The following KAZN variants were observed in gnomAD, a reference collection of about 807,000 sequenced individuals.
KAZN encodes the protein kazrin.
KAZN carries 40 observed loss-of-function variants against 87.4 expected under a neutral mutation model. The observed-to-expected ratio is 0.46, with a 90% CI of 0.36 to 0.60. KAZN has a LOEUF of 0.60. KAZN is among the 20% of genes least tolerant of loss of function. KAZN has a pLI of 0.00. For missense variants in KAZN, 898 were observed against 1,073.9 expected, an observed-to-expected ratio of 0.84 and a Z score of 2.29; for synonymous variants, 466 against 458.3, an observed-to-expected ratio of 1.02 and a Z score of -0.22.
chr1:14,529,590 A>G (rs976469752), intron 2 of KAZN, among the ~76,000 whole-genome samples: 4 of 152,294 alleles, frequency 2.6e-5, no homozygotes, highest in African/African-American at 9.6e-5. Flanking sequence ...GCCAGTGTGG[A>G]GAGGACAGAA....
intron 2 of KAZN, among the ~76,000 whole-genome samples, chr1:14,510,586 T>A (rs955539773): frequency 1.3e-5 from 2 of 152,230 alleles, no homozygotes; most frequent in African/African-American, 4.8e-5. Context: ...CTCTCAGGAA[T>A]TGATTCTGAG....
intron 8 of KAZN, among the ~76,000 whole-genome samples, chr1:15,079,884 G>C (rs1035478152): frequency 6.6e-6 from 1 of 152,224 alleles, no homozygotes; most frequent in Non-Finnish European, 1.5e-5. Context: ...GGAAGAAAGA[G>C]GAAAGCTTTT....
intron 2 of KAZN, among the ~76,000 whole-genome samples, chr1:14,412,544 AAACTT>A (rs879819702): frequency 8.5e-5 from 13 of 152,218 alleles, no homozygotes; most frequent in African/African-American, 2.4e-4. Flanking sequence ...CTAGCAATAA[AAACTT>A]AAAGGTGTCT....
At chr1:14,804,834 G>A (rs947966667) in intron 1 of KAZN, among the ~76,000 whole-genome samples, 25 of 151,988 alleles carry the variant, frequency 1.6e-4, no homozygotes, top group African/African-American at 5.8e-4. Context: ...TCAGCTCCAC[G>A]GCTCCCTCTG....
At chr1:14,081,815 C>A (rs1173728292) in intron 1 of KAZN, among the ~76,000 whole-genome samples, 1 of 152,116 alleles carries the variant, frequency 6.6e-6, no homozygotes, top group African/African-American at 2.4e-5. Flanking sequence ...TGCAGTGGTC[C>A]AATCAAGGCT....
chr1:13,915,558 A>C (rs567396683), intron 1 of KAZN, among the ~76,000 whole-genome samples: 46 of 152,290 alleles, frequency 3.0e-4, no homozygotes, highest in African/African-American at 1.1e-3. Context: ...TTCTCTGTCC[A>C]CCACCAGCCC....
chr1:14,212,064 A>G (rs1420298402), intron 2 of KAZN, among the ~76,000 whole-genome samples: 1 of 152,038 alleles, frequency 6.6e-6, no homozygotes, highest in Non-Finnish European at 1.5e-5. Context: ...CCTCTTATGA[A>G]TGGTCCACGG....
intron 2 of KAZN, among the ~76,000 whole-genome samples, chr1:14,559,274 G>A (rs549490439): frequency 9.2e-5 from 14 of 152,256 alleles, no homozygotes; most frequent in South Asian, 6.2e-4. Context: ...GGTGTTTGAC[G>A]GCAAATGCAT....
intron 1 of KAZN, among the ~76,000 whole-genome samples, chr1:14,118,970 A>G (rs1644690019): frequency 6.6e-6 from 1 of 152,192 alleles, no homozygotes; most frequent in Non-Finnish European, 1.5e-5. Context: ...CAGATTTGCC[A>G]GGATATCCAG....
chr1:14,820,825 AG>A lies in KAZN; in HGVS notation c.227-139858del, dbSNP rs1172980985. Among the ~76,000 whole-genome samples, 1 of 152,160 alleles carries A rather than the reference AG, an allele frequency of 6.6e-6. No individual in the cohort carries two copies. Among genetic ancestry groups the A allele is most frequent in the East Asian group, 1.9e-4 (1 of 5,178 alleles). ...AGTGGGGAGTGAAGGGGGCCATGGC[AG>A]TCTGATGCAGGGAAGGGATACGCCC... On this transcript the variant is annotated intron_variant, in intron 1 of 14. Coordinates refer to ENST00000376030, the MANE Select transcript of KAZN (RefSeq NM_201628.3). This position sits in a 1 kb window ranked among gnomAD's most constrained non-coding sequence, Gnocchi z 4.1.
At chr1:15,036,231 T>A (rs71631704) in intron 3 of KAZN, among the ~76,000 whole-genome samples, 5 of 101,086 alleles carry the variant, frequency 4.9e-5, no homozygotes, top group East Asian at 3.3e-4. Flanking sequence ...TCTCCCCCCA[T>A]CCCCCTCTGC....
chr1:14,274,030 T>G (rs1557608723), intron 2 of KAZN, among the ~76,000 whole-genome samples: 1 of 152,242 alleles, frequency 6.6e-6, no homozygotes, highest in African/African-American at 2.4e-5. Flanking sequence ...TTCTCCTATT[T>G]ATGTGTTTCT....
chr1:14,916,712 C>T (rs567702650), intron 1 of KAZN, among the ~76,000 whole-genome samples: 11 of 151,876 alleles, frequency 7.2e-5, no homozygotes, highest in South Asian at 2.1e-4. Flanking sequence ...CAGGAGTTTG[C>T]GGCAGCTTGG....
intron 1 of KAZN, chr1:14,124,246 G>C (rs543530762): frequency 6.6e-6 from 1 of 152,182 alleles, no homozygotes; most frequent in Non-Finnish European, 1.5e-5. Flanking sequence ...AACATGGGAC[G>C]CTTCACGAAT....
chr1:14,453,549 T>C (rs138562782), intron 2 of KAZN, among the ~76,000 whole-genome samples: 52 of 152,248 alleles, frequency 3.4e-4, no homozygotes, highest in African/African-American at 1.2e-3. Context: ...TTCAATAGTC[T>C]ATCTGCCCAG....
intron 2 of KAZN, among the ~76,000 whole-genome samples, chr1:14,541,681 T>A (rs1672822496): frequency 6.6e-6 from 1 of 152,260 alleles, no homozygotes; most frequent in Non-Finnish European, 1.5e-5. Context: ...TTCGTTGCTA[T>A]CTGAGGCTAA....
chr1:14,673,764 C>T lies in KAZN; in HGVS notation c.226+74541C>T, dbSNP rs1322860623. ...AAAATCTTTGCTGAATTCTTGGCGC[C>T]GGTCAACCCCTTCCCCTTCCCTCCG... On this transcript the variant is annotated intron_variant, in intron 1 of 14. Transcript: ENST00000376030. Among the ~76,000 whole-genome samples the T allele has an allele frequency of 2.6e-5, 4 of 152,298 alleles. No individual in the cohort carries two copies. The East Asian group carries it at 5.8e-4, about 22-fold the overall frequency.
At chr1:14,857,967 G>A (rs943501101) in intron 1 of KAZN, among the ~76,000 whole-genome samples, 4 of 151,914 alleles carry the variant, frequency 2.6e-5, no homozygotes, top group Non-Finnish European at 4.4e-5. Flanking sequence ...ATCCTCCCCC[G>A]ACTTCCCAGC....
chr1:14,114,517 G>C (rs1456162789), intron 1 of KAZN, among the ~76,000 whole-genome samples: 1 of 151,558 alleles, frequency 6.6e-6, no homozygotes, highest in African/African-American at 2.4e-5. Flanking sequence ...CCCCACCGTC[G>C]ATGCCCCCCA....
Sources: gnomAD v4.1 joint callset for allele counts (sites outside exome capture counted in the v4.1 genomes callset) on GRCh38, gnomAD v4.1.1 for gene constraint, Gnocchi (gnomAD v3.1) non-coding constraint, MANE v1.5 for transcripts, NCBI Gene and HGNC (gene_info 2026-07-23, HGNC 2026-07-21) for gene names.